PFKP: variants seen among roughly 807,000 people sequenced by gnomAD.
PFKP encodes ATP-dependent 6-phosphofructokinase, platelet type.
A neutral mutation model predicts 94.3 loss-of-function variants in PFKP; 101 were observed. The observed-to-expected ratio is 1.07, with a 90% CI of 0.91 to 1.26. The LOEUF (loss-of-function observed/expected upper bound fraction) is 1.26. Among genes scored for constraint, PFKP ranks in the 50% most tolerant of loss-of-function variants. The pLI, the probability that PFKP is intolerant of heterozygous loss-of-function variation, is 0.00. For synonymous variants in PFKP, 573 were observed against 432.6 expected, an observed-to-expected ratio of 1.32 and a Z score of -4.03; for missense variants, 1,145 against 1,103.3, an observed-to-expected ratio of 1.04 and a Z score of -0.53.
intron 2 of PFKP, among the ~76,000 whole-genome samples, chr10:3,083,968 C>A (rs1229437551): frequency 6.6e-6 from 1 of 152,210 alleles, no homozygotes; most frequent in African/African-American, 2.4e-5. Context: ...TGTCAACATA[C>A]TGTCTTGTTG....
chr10:3,107,147 G>A, intron 7 of PFKP, 67 bp from the exon 8 acceptor site: 1 of 983,740 alleles, frequency 1.0e-6, no homozygotes, highest in East Asian at 2.4e-5. Flanking sequence ...GACTTCTGTG[G>A]TTTTGTTGCA....
intron 16 of PFKP, chr10:3,125,216 G>A (rs1246259059): frequency 1.5e-6 from 2 of 1,345,816 alleles, no homozygotes; most frequent in Non-Finnish European, 9.9e-7. Flanking sequence ...AAATAAGCCT[G>A]GGCTCCGACA....
chr10:3,087,868 C>CG (rs1367924052), intron 2 of PFKP, among the ~76,000 whole-genome samples: 1 of 151,934 alleles, frequency 6.6e-6, no homozygotes, highest in Non-Finnish European at 1.5e-5. Context: ...ACCCTCAGAC[C>CG]GCCAGGACTT....
chr10:3,092,182 C>G (rs780254305), intron 2 of PFKP, among the ~76,000 whole-genome samples: 17 of 152,220 alleles, frequency 1.1e-4, no homozygotes, highest in Non-Finnish European at 2.2e-4. Context: ...TGCACCCAGA[C>G]TGGCCAACCC....
At chr10:3,072,795 C>A (rs956809939) in intron 1 of PFKP, among the ~76,000 whole-genome samples, 2 of 151,842 alleles carry the variant, frequency 1.3e-5, no homozygotes, top group Non-Finnish European at 2.9e-5. Flanking sequence ...CCATCAGAAG[C>A]AATTAAAATT....
In PFKP at chr10:3,120,090, C is replaced by A. The variant is rs565063759; in HGVS notation, c.1683+46C>A. 1.7e-5 allele frequency: 27 copies of A among 1,580,244 alleles called. No homozygotes were observed. In the Admixed American group the frequency reaches 3.9e-4, roughly 23 times the overall value. On this transcript the variant is annotated intron_variant, in intron 16 of 21. Coordinates refer to ENST00000381125, the MANE Select transcript of PFKP (RefSeq NM_002627.5). Reference sequence around the variant, plus strand: ...CCAGGCGGGCGCCGGCTGACGCTAACCCCGGGGCCCCGGCCCTTTTTATCT... The same window carrying A: ...CCAGGCGGGCGCCGGCTGACGCTAAACCCGGGGCCCCGGCCCTTTTTATCT...
rs1006312583 is a variant in PFKP at position 3,073,545 on chromosome 10, C to T, written c.112+5838C>T. On this transcript the variant is annotated intron_variant, in intron 1 of 21. Coordinates refer to ENST00000381125, the MANE Select transcript of PFKP (RefSeq NM_002627.5). ...GGGGCCAGTGGAGCGGTTTGCAAAT[C>T]GGGCAGATCAGCTTCTCCACTTCTC... is the stretch of plus-strand genomic sequence containing the variant. 4.1e-4 allele frequency among the ~76,000 whole-genome samples: 62 copies of T among 151,846 alleles called. 1 individual carries two copies. Among genetic ancestry groups the T allele is most frequent in the African/African-American group, 1.5e-3 (60 of 41,312 alleles).
intron 1 of PFKP, among the ~76,000 whole-genome samples, chr10:3,080,148 C>T (rs2131409106): frequency 6.6e-6 from 1 of 152,206 alleles, no homozygotes; most frequent in East Asian, 1.9e-4. Context: ...TGGGGCATGG[C>T]CGGGAGCTCA....
In PFKP at chr10:3,134,542, G is replaced by A. The variant is rs755601761; in HGVS notation, c.2082G>A (p.Met694Ile). 179 of 1,613,926 alleles carry A rather than the reference G, an allele frequency of 1.1e-4. No individual in the cohort carries two copies. Among genetic ancestry groups the A allele is most frequent in the Non-Finnish European group, 1.5e-4 (174 of 1,179,952 alleles). Residue 694 changes from methionine to isoleucine, a missense_variant, in exon 20 of 22, where the codon ATG becomes ATA. By Grantham distance (10) the Met-to-Ile change is conservative (BLOSUM62 1). Coordinates refer to ENST00000381125, the MANE Select transcript of PFKP (RefSeq NM_002627.5). ...GAACCAAAATCTCTGCCAGAGCTAT[G>A]GAGTGGATCACTGCAAAACTCAAGG... is the stretch of plus-strand genomic sequence containing the variant. Reference protein sequence around the residue: ...NFGTKISARAMEWITAKLKEA... With the variant: ...NFGTKISARAIEWITAKLKEA...
Position 3,077,406 on chromosome 10 carries a change from C to T in PFKP, c.113-4982C>T, listed in dbSNP as rs59618074. ...CCTCCCAAGTAGCTGGGACTGCAGG[C>T]GCTCACCACCATGCCCGGCTAATTT... is the stretch of plus-strand genomic sequence containing the variant. On this transcript the variant is annotated intron_variant, in intron 1 of 21. Coordinates refer to ENST00000381125, the MANE Select transcript of PFKP (RefSeq NM_002627.5). 1.3e-4 allele frequency among the ~76,000 whole-genome samples: 19 copies of T among 151,522 alleles called. No homozygotes were observed. The East Asian group carries it at 1.5e-3, about 12-fold the overall frequency.
chr10:3,089,831 G>T (rs558579715), intron 2 of PFKP, among the ~76,000 whole-genome samples: 12 of 151,894 alleles, frequency 7.9e-5, no homozygotes, highest in African/African-American at 2.9e-4. Flanking sequence ...ATCTCAAACT[G>T]TTTTTTACCC....
intron 14 of PFKP, among the ~76,000 whole-genome samples, chr10:3,118,575 TC>T (rs1419738201): frequency 6.6e-6 from 1 of 152,244 alleles, no homozygotes; most frequent in African/African-American, 2.4e-5. Context: ...TATTCCATTT[TC>T]TCATGAAAAC....
At chr10:3,133,801 T>C (rs1277933245) in intron 19 of PFKP, among the ~76,000 whole-genome samples, 1 of 152,164 alleles carries the variant, frequency 6.6e-6, no homozygotes. Context: ...GAGGTTTGAG[T>C]AATGGGGATT....
At chr10:3,130,277 T>C (rs2279215) in intron 17 of PFKP, among the ~76,000 whole-genome samples, 59,609 of 151,994 alleles carry the variant, frequency 0.39, 11,827 homozygotes, top group African/African-American at 0.46. Flanking sequence ...ACCAATGATT[T>C]GAGAACCTCC....
intron 19 of PFKP, 101 bp downstream of exon 19, chr10:3,133,415 A>T: frequency 1.3e-6 from 1 of 782,434 alleles, no homozygotes; most frequent in Non-Finnish European, 2.2e-6. Context: ...TGTATAAGTA[A>T]ATTCCAAGAT....
chr10:3,116,666 A>G (rs1292830651), intron 13 of PFKP, 110 bp from the exon 14 acceptor site: 2 of 835,220 alleles, frequency 2.4e-6, no homozygotes, highest in Non-Finnish European at 2.1e-6. Context: ...CGCCTCTCAA[A>G]TCTTTACCGG....
In PFKP at chr10:3,131,646, C is replaced by T. The variant is rs1021257623; in HGVS notation, c.1849-734C>T. The stretch of plus-strand genomic sequence containing the variant: ...TAATTTTTTGTATTTTTAGTAGAGA[C>T]GGGGGTTTCACCATGTTGGCCAGGC... On this transcript the variant is annotated intron_variant, in intron 17 of 21. Transcript: ENST00000381125. 4.6e-5 allele frequency among the ~76,000 whole-genome samples: 7 copies of T among 151,696 alleles called. 1 individual carries two copies. Among genetic ancestry groups the T allele is most frequent in the South Asian group, 2.1e-4 (1 of 4,808 alleles).
At chr10:3,069,250 C>A in intron 1 of PFKP, 1 of 1,455,270 alleles carries the variant, frequency 6.9e-7, no homozygotes, top group South Asian at 1.4e-5. Flanking sequence ...TAAAAGGACC[C>A]CAGCATCAAC....
At chr10:3,119,772 G>GCCGTA in intron 15 of PFKP, 120 bp from the exon 16 acceptor site, 1 of 622,182 alleles carries the variant, frequency 1.6e-6, no homozygotes, top group African/African-American at 2.9e-5. Flanking sequence ...GAGTGTTTTC[G>GCCGTA]TGATGCCCCA....
Sources: gnomAD v4.1 joint callset for allele counts (sites outside exome capture counted in the v4.1 genomes callset) on GRCh38, gnomAD v4.1.1 for gene constraint, MANE v1.5 for transcripts, NCBI Gene and HGNC (gene_info 2026-07-23, HGNC 2026-07-21) for gene names.